MAD1L1: variants seen among roughly 807,000 people sequenced by gnomAD.
MAD1L1 encodes the protein mitotic arrest deficient 1 like 1, also known as mitotic spindle assembly checkpoint protein MAD1.
In MAD1L1, 95 loss-of-function variants were observed where a neutral mutation model predicts 96.9. The observed-to-expected ratio is 0.98, with a 90% CI of 0.83 to 1.16. The LOEUF (loss-of-function observed/expected upper bound fraction) is 1.16. Among genes scored for constraint, MAD1L1 ranks in the 50% most tolerant of loss-of-function variants. The probability of loss-of-function intolerance (pLI) is 0.00; values close to 1 mark genes in which losing one functional copy is unlikely to be tolerated. For missense variants in MAD1L1, 1,007 were observed against 954.4 expected (o/e 1.06, Z -0.73); for synonymous variants, 473 against 396.6 (o/e 1.19, Z -2.29).
Position 1,927,127 on chromosome 7 carries a change from T to C in MAD1L1, c.1807+9560A>G, listed in dbSNP as rs1001688038. Among the ~76,000 whole-genome samples the C allele has an allele frequency of 3.3e-5, 5 of 152,076 alleles. No individual in the cohort carries two copies. The South Asian group carries it at 8.3e-4, about 25-fold the overall frequency. On this transcript the variant is annotated intron_variant, in intron 17 of 18. Transcript: ENST00000265854. ...AAAAACAAGCCTACAAATAATTACA[T>C]AGCTCCAACACTAACAATAAAACCA... is the stretch of plus-strand genomic sequence containing the variant.
chr7:1,817,575 G>A (rs1781882994), intron 18 of MAD1L1: 1 of 152,250 alleles, frequency 6.6e-6, no homozygotes, highest in Non-Finnish European at 1.5e-5. Flanking sequence ...CCCAGGGGAT[G>A]TCCTGGAGGG....
chr7:1,891,353 G>A (rs1214956502), intron 18 of MAD1L1, among the ~76,000 whole-genome samples: 4 of 151,900 alleles, frequency 2.6e-5, no homozygotes, highest in African/African-American at 9.7e-5. Flanking sequence ...GTGAAACCCC[G>A]TCTCTACTAA....
chr7:2,124,165 A>C (rs3800915), intron 11 of MAD1L1, among the ~76,000 whole-genome samples: 90,387 of 152,122 alleles, frequency 0.59, 28,502 homozygotes, highest in East Asian at 0.77. Context: ...CCCCTGCTCA[A>C]CTCGCAGAGC....
At chr7:2,054,071 C>T (rs79155377) in intron 12 of MAD1L1, among the ~76,000 whole-genome samples, 1,576 of 152,356 alleles carry the variant, frequency 0.01, 24 homozygotes, top group African/African-American at 0.033. Flanking sequence ...CCAGAGCCCA[C>T]GAGCACTGCT....
At chr7:1,890,344 T>C (rs1343025227) in intron 18 of MAD1L1, among the ~76,000 whole-genome samples, 1 of 152,272 alleles carries the variant, frequency 6.6e-6, no homozygotes, top group Non-Finnish European at 1.5e-5. Context: ...AGGGAATTAG[T>C]GAGGTCTCTC....
At chr7:1,905,720 C>G (rs901280935) in intron 17 of MAD1L1, among the ~76,000 whole-genome samples, 1 of 152,176 alleles carries the variant, frequency 6.6e-6, no homozygotes, top group African/African-American at 2.4e-5. Flanking sequence ...TGAGTGAGGC[C>G]GGCCTGACCC....
At chr7:2,020,075 G>A (rs1374715867) in intron 12 of MAD1L1, among the ~76,000 whole-genome samples, 1 of 152,242 alleles carries the variant, frequency 6.6e-6, no homozygotes, top group Non-Finnish European at 1.5e-5. Flanking sequence ...CTCAGCAGCT[G>A]CGAGCTGTTG....
chr7:2,231,076 G>GC (rs1261782333), intron 1 of MAD1L1, among the ~76,000 whole-genome samples: 1 of 152,204 alleles, frequency 6.6e-6, no homozygotes, highest in Non-Finnish European at 1.5e-5. Flanking sequence ...ACTTCGGGAG[G>GC]CGGAGGCAGG....
At chr7:1,863,915 C>CAGGCAT (rs1327242793) in intron 18 of MAD1L1, among the ~76,000 whole-genome samples, 6 of 152,190 alleles carry the variant, frequency 3.9e-5, no homozygotes, top group Non-Finnish European at 5.9e-5. Flanking sequence ...GGTGAAACCC[C>CAGGCAT]GTCTCTACTA....
At chr7:1,871,132 C>A (rs75450597) in intron 18 of MAD1L1, among the ~76,000 whole-genome samples, 15,055 of 98,428 alleles carry the variant, frequency 0.15, 2,210 homozygotes, top group Admixed American at 0.24. Context: ...CTGAACCCAA[C>A]ATACGCCTGC....
chr7:1,981,619 G>A (rs1021959131), intron 14 of MAD1L1, among the ~76,000 whole-genome samples: 1 of 152,198 alleles, frequency 6.6e-6, no homozygotes, highest in African/African-American at 2.4e-5. Flanking sequence ...GTCACGAAGG[G>A]AGGAGGAAGG....
chr7:2,090,942 A>C (rs1004980342), intron 11 of MAD1L1, among the ~76,000 whole-genome samples: 1 of 152,156 alleles, frequency 6.6e-6, no homozygotes, highest in Non-Finnish European at 1.5e-5. Context: ...TTTATCTGCA[A>C]TCCTTCCGGA....
intron 12 of MAD1L1, among the ~76,000 whole-genome samples, chr7:2,014,862 C>T (rs1179856707): frequency 6.6e-6 from 1 of 152,246 alleles, no homozygotes; most frequent in Non-Finnish European, 1.5e-5. Context: ...CCTGGCTTTG[C>T]CTCGGCACCC....
chr7:2,230,197 G>A (rs1794124126), intron 2 of MAD1L1, 54 bp from the exon 3 acceptor site: 1 of 1,467,918 alleles, frequency 6.8e-7, no homozygotes, highest in Non-Finnish European at 9.3e-7. Flanking sequence ...CGTGCCATCA[G>A]CCGTGCAGTC....
At chr7:1,929,119 A>G (rs1474459405) in intron 17 of MAD1L1, among the ~76,000 whole-genome samples, 1 of 152,028 alleles carries the variant, frequency 6.6e-6, no homozygotes, top group Non-Finnish European at 1.5e-5. Flanking sequence ...TTCCAGGCAG[A>G]GCAACTCTGT....
At chr7:1,957,460 C>T (rs1170578363) in intron 16 of MAD1L1, among the ~76,000 whole-genome samples, 169 bp downstream of exon 16, 3 of 152,224 alleles carry the variant, frequency 2.0e-5, no homozygotes, top group Admixed American at 6.5e-5. Context: ...GGCCTGTCAG[C>T]GGCATGGCCT....
chr7:2,039,504 T>G (rs1783585825), intron 12 of MAD1L1, among the ~76,000 whole-genome samples: 1 of 152,202 alleles, frequency 6.6e-6, no homozygotes, highest in Non-Finnish European at 1.5e-5. Context: ...GGAGTTTCTC[T>G]ACACACTGAC....
intron 10 of MAD1L1, among the ~76,000 whole-genome samples, chr7:2,162,746 TG>T (rs1427947727): frequency 6.7e-6 from 1 of 150,106 alleles, no homozygotes; most frequent in Non-Finnish European, 1.5e-5. Context: ...TCCCAGAAGT[TG>T]GCTAAGTGAG....
At chr7:2,213,300 C>T in intron 9 of MAD1L1, 27 bp from the exon 10 acceptor site, 1 of 1,600,414 alleles carries the variant, frequency 6.2e-7, no homozygotes, top group South Asian at 1.1e-5. Flanking sequence ...AGCACAGACC[C>T]TGTCATCACC....
Sources: allele counts gnomAD v4.1 joint callset (sites outside exome capture counted in the v4.1 genomes callset), GRCh38; gene constraint gnomAD v4.1.1; transcripts MANE v1.5; gene names NCBI Gene and HGNC (gene_info 2026-07-23, HGNC 2026-07-21).